The following RIMS1 variants were observed in gnomAD, a reference collection of about 807,000 sequenced individuals.
RIMS1 encodes regulating synaptic membrane exocytosis protein 1.
A neutral mutation model predicts 214.1 loss-of-function variants in RIMS1; 83 were observed. The observed-to-expected ratio is 0.39, with a 90% CI of 0.32 to 0.47. The LOEUF (loss-of-function observed/expected upper bound fraction) is 0.47, where lower values mean the gene tolerates loss of function less well. RIMS1 is among the 20% of genes least tolerant of loss of function. The probability of loss-of-function intolerance (pLI) is 0.99; values close to 1 mark genes in which losing one functional copy is unlikely to be tolerated. For synonymous variants in RIMS1, 793 were observed against 786.8 expected (o/e 1.01, Z -0.13); for missense variants, 2,050 against 2,161.8 (o/e 0.95, Z 1.03).
intron 1 of RIMS1, among the ~76,000 whole-genome samples, chr6:71,952,186 C>T (rs977932197): frequency 2.0e-5 from 3 of 152,104 alleles, no homozygotes; most frequent in African/African-American, 7.2e-5. Context: ...CCTTGTGAAT[C>T]TCCAGCTTAC....
intron 29 of RIMS1, among the ~76,000 whole-genome samples, chr6:72,386,820 G>A (rs536166808): frequency 1.5e-4 from 21 of 139,974 alleles, no homozygotes; most frequent in Admixed American, 1.5e-3. Flanking sequence ...TGCAAGCTCC[G>A]CCTTCCAGCT....
intron 1 of RIMS1, among the ~76,000 whole-genome samples, chr6:71,937,313 T>G (rs1323554547): frequency 1.3e-5 from 2 of 152,126 alleles, no homozygotes; most frequent in Non-Finnish European, 2.9e-5. Flanking sequence ...CAGGCTAGAG[T>G]GCACTGGTGC....
At chr6:72,207,696 A>T (rs1290358625) in intron 6 of RIMS1, among the ~76,000 whole-genome samples, 1 of 152,212 alleles carries the variant, frequency 6.6e-6, no homozygotes, top group Non-Finnish European at 1.5e-5. Context: ...ACACCACTTG[A>T]AATTACTTCC....
At chr6:72,210,890 T>C (rs2053686298) in intron 6 of RIMS1, among the ~76,000 whole-genome samples, 1 of 152,180 alleles carries the variant, frequency 6.6e-6, no homozygotes, top group Non-Finnish European at 1.5e-5. Flanking sequence ...ATGAAAGAAG[T>C]TCTGAATGCA....
At chr6:72,009,623 T>TA (rs952465457) in intron 2 of RIMS1, among the ~76,000 whole-genome samples, 12 of 148,650 alleles carry the variant, frequency 8.1e-5, no homozygotes, top group Admixed American at 6.7e-5. Context: ...ATAGACTCAA[T>TA]AAAAAAATGA....
At chr6:72,117,205 A>C (rs2037259876) in intron 4 of RIMS1, among the ~76,000 whole-genome samples, 1 of 151,916 alleles carries the variant, frequency 6.6e-6, no homozygotes, top group African/African-American at 2.4e-5. Flanking sequence ...AAAAATCTGC[A>C]TTTCTTTCTC....
chr6:72,135,902 AT>A (rs2041203774), intron 4 of RIMS1, among the ~76,000 whole-genome samples: 1 of 152,138 alleles, frequency 6.6e-6, no homozygotes, highest in African/African-American at 2.4e-5. Flanking sequence ...CCTTTAGAAA[AT>A]AACCCTATTA....
At chr6:72,123,081 T>A (rs925120497) in intron 4 of RIMS1, among the ~76,000 whole-genome samples, 4 of 151,898 alleles carry the variant, frequency 2.6e-5, no homozygotes, top group Admixed American at 6.6e-5. Context: ...CAATTGTAGA[T>A]CTTTCCCGCT....
chr6:72,335,136 C>A (rs910144866), intron 29 of RIMS1, among the ~76,000 whole-genome samples: 2 of 151,856 alleles, frequency 1.3e-5, no homozygotes, highest in African/African-American at 2.4e-5. Context: ...TAGGTATACA[C>A]GTGCCGTGAT....
At chr6:72,144,838 A>T (rs1305595513) in intron 4 of RIMS1, among the ~76,000 whole-genome samples, 1 of 151,910 alleles carries the variant, frequency 6.6e-6, no homozygotes, top group Non-Finnish European at 1.5e-5. Flanking sequence ...AACTAATGAG[A>T]CTAGAATGTA....
At chr6:72,214,121 G>A (rs548463555) in intron 6 of RIMS1, among the ~76,000 whole-genome samples, 6 of 152,246 alleles carry the variant, frequency 3.9e-5, no homozygotes, top group African/African-American at 1.4e-4. Context: ...CCAGAAATAA[G>A]TAAGGATATT....
chr6:72,264,929 A>G (rs1381680726), intron 19 of RIMS1, 46 bp from the exon 20 acceptor site: 1 of 1,235,742 alleles, frequency 8.1e-7, no homozygotes, highest in South Asian at 1.3e-5. Flanking sequence ...AATTGGTTTC[A>G]TATATATTTT....
At chr6:71,989,861 T>G (rs375724828) in intron 2 of RIMS1, among the ~76,000 whole-genome samples, 20 of 152,268 alleles carry the variant, frequency 1.3e-4, no homozygotes, top group African/African-American at 3.6e-4. Flanking sequence ...GGCCTAAGCC[T>G]GCTCCTCCAA....
At chr6:72,300,304 C>T (rs1169684934) in intron 26 of RIMS1, among the ~76,000 whole-genome samples, 1 of 151,736 alleles carries the variant, frequency 6.6e-6, no homozygotes, top group African/African-American at 2.4e-5. Context: ...CAAGAGAGAC[C>T]TAATTGAGGA....
At chr6:72,283,554 T>A (rs1374707804) in intron 23 of RIMS1, among the ~76,000 whole-genome samples, 1 of 152,172 alleles carries the variant, frequency 6.6e-6, no homozygotes, top group East Asian at 1.9e-4. Flanking sequence ...AACTGTAGCA[T>A]TTTTCTTCTC....
At chr6:72,377,585 A>G (rs1234017884) in intron 29 of RIMS1, among the ~76,000 whole-genome samples, 2 of 152,220 alleles carry the variant, frequency 1.3e-5, no homozygotes, top group Admixed American at 6.5e-5. Context: ...GGCCCCAAGC[A>G]GAGGTTTGAA....
intron 4 of RIMS1, among the ~76,000 whole-genome samples, chr6:72,134,736 T>A (rs1185731572): frequency 6.6e-6 from 1 of 152,122 alleles, no homozygotes; most frequent in Non-Finnish European, 1.5e-5. Context: ...TCACATTTGA[T>A]AGTGATAGTA....
At position 72,074,877 on chromosome 6, in the gene RIMS1, C is replaced by T. The variant is rs973687742; in HGVS notation, c.246-22072C>T. Among the ~76,000 whole-genome samples the T allele has an allele frequency of 5.3e-5, 8 of 152,142 alleles. 1 individual carries two copies. Among genetic ancestry groups the T allele is most frequent in the Non-Finnish European group, 8.8e-5 (6 of 68,016 alleles). On this transcript the variant is annotated intron_variant, in intron 2 of 33. Coordinates refer to ENST00000521978, the MANE Select transcript of RIMS1 (RefSeq NM_014989.7). ...AAATATCCATCAGTGAATTCGTAGA[C>T]ATGAAGTCTATGGATTAATTAATGG...
intron 2 of RIMS1, among the ~76,000 whole-genome samples, chr6:71,991,729 C>G (rs1210951566): frequency 6.6e-6 from 1 of 152,064 alleles, no homozygotes; most frequent in African/African-American, 2.4e-5. Context: ...GTTATGAGAA[C>G]TTACTTATTT....
Sources: allele counts gnomAD v4.1 joint callset (sites outside exome capture counted in the v4.1 genomes callset), GRCh38; gene constraint gnomAD v4.1.1; transcripts MANE v1.5; gene names NCBI Gene and HGNC (gene_info 2026-07-23, HGNC 2026-07-21).